The following CERS4 variants were observed in gnomAD, a reference collection of about 807,000 sequenced individuals.
CERS4 encodes LAG1 homolog, ceramide synthase 4.
CERS4 carries 65 observed loss-of-function variants against 51.8 expected under a neutral mutation model. That is an observed-to-expected ratio of 1.26 (90% CI 1.03 to 1.54). The LOEUF (loss-of-function observed/expected upper bound fraction) is 1.54, where lower values mean the gene tolerates loss of function less well. Among genes scored for constraint, CERS4 ranks in the 40% most tolerant of loss-of-function variants. The pLI is 0.00. For synonymous variants in CERS4, 228 were observed against 208.4 expected, an observed-to-expected ratio of 1.09 and a Z score of -0.81; for missense variants, 563 against 500.4, an observed-to-expected ratio of 1.13 and a Z score of -1.19.
At chr19:8,221,880 T>G (rs1431642636) in intron 2 of CERS4, among the ~76,000 whole-genome samples, 24 of 94,322 alleles carry the variant, frequency 2.5e-4, no homozygotes, top group Admixed American at 5.3e-4. Context: ...ATGTTTTTTT[T>G]TTTTTTTTTT....
intron 2 of CERS4, among the ~76,000 whole-genome samples, chr19:8,248,688 T>C (rs1968901431): frequency 6.8e-6 from 1 of 147,816 alleles, no homozygotes; most frequent in Admixed American, 6.7e-5. Context: ...GATGAATGGA[T>C]GGGGAGATGG....
At chr19:8,221,358 G>C (rs1163381913) in intron 2 of CERS4, among the ~76,000 whole-genome samples, 1 of 152,090 alleles carries the variant, frequency 6.6e-6, no homozygotes, top group Non-Finnish European at 1.5e-5. Flanking sequence ...TGGCAGCCTT[G>C]CCAACATCGG....
intron 2 of CERS4, among the ~76,000 whole-genome samples, chr19:8,248,579 T>TGATG (rs914826549): frequency 2.7e-5 from 4 of 150,068 alleles, no homozygotes; most frequent in South Asian, 2.1e-4. Flanking sequence ...GACAGATGGA[T>TGATG]GATGGATGGA....
At chr19:8,218,774 G>T (rs1967409785) in intron 2 of CERS4, among the ~76,000 whole-genome samples, 1 of 152,198 alleles carries the variant, frequency 6.6e-6, no homozygotes, top group Non-Finnish European at 1.5e-5. Flanking sequence ...GGTCCTTAAA[G>T]GGACGATAGG....
chr19:8,221,673 G>A (rs1247127572), intron 2 of CERS4, among the ~76,000 whole-genome samples: 1 of 148,864 alleles, frequency 6.7e-6, no homozygotes, highest in Non-Finnish European at 1.5e-5. Flanking sequence ...GGCCTCCCAA[G>A]TAGCTGGGAT....
chr19:8,232,527 G>A (rs1175770428), intron 2 of CERS4, among the ~76,000 whole-genome samples: 1 of 151,590 alleles, frequency 6.6e-6, no homozygotes, highest in Non-Finnish European at 1.5e-5. Context: ...CCCGACCTCA[G>A]ATGATCTGCC....
intron 6 of CERS4, 55 bp downstream of exon 6, chr19:8,255,934 A>G: frequency 1.3e-6 from 2 of 1,580,682 alleles, no homozygotes; most frequent in Non-Finnish European, 8.7e-7. Context: ...CCTGGCCTAG[A>G]TCTGGCAGGA....
intron 3 of CERS4, among the ~76,000 whole-genome samples, chr19:8,253,304 TGGC>T (rs1279765626): frequency 6.6e-6 from 1 of 152,160 alleles, no homozygotes; most frequent in African/African-American, 2.4e-5. Flanking sequence ...GCCCCTAGAC[TGGC>T]GGGGGGTCAG....
intron 2 of CERS4, among the ~76,000 whole-genome samples, chr19:8,241,043 C>T (rs942047741): frequency 6.6e-6 from 1 of 152,184 alleles, no homozygotes; most frequent in Middle Eastern, 3.2e-3. Flanking sequence ...GCTGGTCACA[C>T]TGGCCCTGCC....
intron 10 of CERS4, 89 bp from the exon 11 acceptor site, chr19:8,261,599 A>G (rs1969704151): frequency 6.8e-7 from 1 of 1,474,580 alleles, no homozygotes; most frequent in Non-Finnish European, 9.3e-7. Context: ...GTTATGGAGC[A>G]GGGAAGGCCA....
chr19:8,214,490 G>A (rs1351662597), intron 2 of CERS4: 1 of 152,764 alleles, frequency 6.5e-6, no homozygotes, highest in Non-Finnish European at 1.5e-5. Flanking sequence ...TGGTGTGTTG[G>A]AGGAATGCAA....
intron 2 of CERS4, among the ~76,000 whole-genome samples, chr19:8,215,038 G>A (rs1442398079): frequency 1.3e-5 from 2 of 150,018 alleles, no homozygotes; most frequent in Non-Finnish European, 3.0e-5. Flanking sequence ...GGGGGAGGAC[G>A]AGGAGGAAGA....
At chr19:8,212,243 G>A (rs1396189693) in intron 2 of CERS4, among the ~76,000 whole-genome samples, 3 of 152,152 alleles carry the variant, frequency 2.0e-5, no homozygotes, top group Non-Finnish European at 4.4e-5. Flanking sequence ...GGAGCCTGGA[G>A]ACCAGGATGG....
rs535512141 is a variant in CERS4, at chr19:8,226,362, TG to T, written c.-2+15503del. ...CCTTAGGATAATCCTGGTGTGGGTG[TG>T]GGCAAAAGCCTGCTCTCCCACAGAA... is the stretch of plus-strand genomic sequence containing the variant. On this transcript the variant is annotated intron_variant, in intron 2 of 11. Transcript: ENST00000251363. 2.0e-3 allele frequency among the ~76,000 whole-genome samples: 300 copies of T among 152,216 alleles called. 1 individual carries two copies. Among genetic ancestry groups the T allele is most frequent in the Middle Eastern group, 3.4e-3 (1 of 294 alleles).
intron 10 of CERS4, among the ~76,000 whole-genome samples, chr19:8,260,490 G>A (rs1969625787): frequency 6.7e-6 from 1 of 148,572 alleles, no homozygotes. Flanking sequence ...ACAGGCGTGA[G>A]CCACTGTGCC....
intron 2 of CERS4, among the ~76,000 whole-genome samples, chr19:8,216,667 A>G (rs1310536356): frequency 1.3e-5 from 2 of 152,034 alleles, no homozygotes; most frequent in East Asian, 3.9e-4. Flanking sequence ...CATGTCCAGA[A>G]TATTGGCTCC....
At chr19:8,254,158 TA>T (rs1246118554) in intron 3 of CERS4, among the ~76,000 whole-genome samples, 2 of 150,922 alleles carry the variant, frequency 1.3e-5, no homozygotes, top group Admixed American at 6.6e-5. Context: ...CCGTCTCTAC[TA>T]AAAAATACAA....
intron 2 of CERS4, among the ~76,000 whole-genome samples, chr19:8,221,542 T>C (rs911456082): frequency 6.0e-5 from 9 of 150,458 alleles, no homozygotes; most frequent in Non-Finnish European, 8.9e-5. Flanking sequence ...TTTAACTTTT[T>C]TTTTTCTTAT....
intron 2 of CERS4, among the ~76,000 whole-genome samples, chr19:8,228,103 G>A (rs777238963): frequency 8.6e-5 from 13 of 151,990 alleles, no homozygotes; most frequent in African/African-American, 7.2e-5. Context: ...CTCATGATCC[G>A]TCCATTTCGG....
Sources: gnomAD v4.1 joint callset for allele counts (sites outside exome capture counted in the v4.1 genomes callset) on GRCh38, gnomAD v4.1.1 for gene constraint, MANE v1.5 for transcripts, NCBI Gene and HGNC (gene_info 2026-07-23, HGNC 2026-07-21) for gene names.